The following ARHGAP32 variants were observed in gnomAD, a reference collection of about 807,000 sequenced individuals.
ARHGAP32 encodes rho GTPase-activating protein 32.
A neutral mutation model predicts 186.5 loss-of-function variants in ARHGAP32; 51 were observed. The observed-to-expected ratio is 0.27, with a 90% CI of 0.22 to 0.35. The LOEUF is 0.35. Among genes scored for constraint, ARHGAP32 ranks in the 10% least tolerant of loss-of-function variants. ARHGAP32 has a pLI of 1.00. For missense variants in ARHGAP32, 2,186 were observed against 2,623.5 expected (o/e 0.83, Z 3.64); for synonymous variants, 950 against 964.3 (o/e 0.99, Z 0.27).
At chr11:129,241,867 A>G (rs1945022135) in intron 1 of ARHGAP32, among the ~76,000 whole-genome samples, 1 of 152,208 alleles carries the variant, frequency 6.6e-6, no homozygotes, top group African/African-American at 2.4e-5. Context: ...GTTCAAATAA[A>G]TTTAGACTGT....
At chr11:129,222,882 G>A (rs1222940437) in intron 1 of ARHGAP32, among the ~76,000 whole-genome samples, 1 of 152,124 alleles carries the variant, frequency 6.6e-6, no homozygotes, top group East Asian at 1.9e-4. Flanking sequence ...TATTCTGGGG[G>A]TAGAAAAAGG....
intron 2 of ARHGAP32, among the ~76,000 whole-genome samples, chr11:129,155,566 T>C (rs1943382973): frequency 6.6e-6 from 1 of 152,104 alleles, no homozygotes; most frequent in South Asian, 2.1e-4. Flanking sequence ...CACACAGAAT[T>C]TCTTCATAAA....
Position 128,981,495 on chromosome 11 carries a change from A to G in ARHGAP32, c.1701T>C (p.Ser567=). 2 of 1,614,116 alleles carry G rather than the reference A, an allele frequency of 1.2e-6. No individual in the cohort carries two copies. Among genetic ancestry groups the G allele is most frequent in the South Asian group, 2.2e-5 (2 of 91,082 alleles). ...TAAFMEVRIQ[S]VVVEFILNHV... The stretch of plus-strand genomic sequence containing the variant: ...GATTCAGGATGAACTCAACAACCAC[A>G]GACTGAATCCTCACTTCCATGAAAG... The change falls in exon 17 of 23, where the codon TCT becomes TCC. Residue 567 remains serine, a synonymous_variant. Coordinates refer to ENST00000682385, the MANE Select transcript of ARHGAP32 (RefSeq NM_001378024.1).
chr11:129,138,359 A>G (rs926461787), intron 2 of ARHGAP32, among the ~76,000 whole-genome samples: 4 of 151,862 alleles, frequency 2.6e-5, no homozygotes, highest in African/African-American at 4.8e-5. Flanking sequence ...AACAAGGGAA[A>G]TATTTGTATC....
At chr11:129,166,980 CTGTA>C (rs1414653784) in intron 1 of ARHGAP32, among the ~76,000 whole-genome samples, 1 of 152,030 alleles carries the variant, frequency 6.6e-6, no homozygotes, top group East Asian at 1.9e-4. Context: ...TTATGGAATA[CTGTA>C]TGTAAGTCAA....
intron 2 of ARHGAP32, among the ~76,000 whole-genome samples, chr11:129,150,756 T>C (rs558669060): frequency 3.3e-5 from 5 of 151,916 alleles, no homozygotes; most frequent in Non-Finnish European, 7.4e-5. Context: ...GACACCAAAA[T>C]AGAACCTCCT....
chr11:129,279,204 T>G (rs1411699833), exon 1 of ARHGAP32: 2 of 140,202 alleles, frequency 1.4e-5, no homozygotes, highest in East Asian at 2.3e-4. Flanking sequence ...GGCCGCTCCG[T>G]GTCTGCCCTC....
At chr11:129,064,149 ACTACCATTTACTGGGT>A in intron 8 of ARHGAP32, 125 bp from the exon 9 acceptor site, 9 of 836,110 alleles carry the variant, frequency 1.1e-5, no homozygotes, top group Non-Finnish European at 1.6e-5. Flanking sequence ...AAAAAAAAAA[ACTACCATTTACTGGGT>A]AGTAAAAATA....
chr11:129,184,431 A>G (rs966889479), intron 1 of ARHGAP32, among the ~76,000 whole-genome samples: 9 of 152,158 alleles, frequency 5.9e-5, no homozygotes, highest in African/African-American at 2.2e-4. Context: ...TTATAAAAAT[A>G]CCTTGTGTGT....
chr11:129,038,888 GAAA>G (rs56810685), intron 11 of ARHGAP32, among the ~76,000 whole-genome samples: 28 of 92,164 alleles, frequency 3.0e-4, no homozygotes, highest in East Asian at 6.1e-4. Context: ...ACCCTGTCTC[GAAA>G]AAAAAAAAAA....
chr11:129,245,881 T>C (rs1945089519), intron 1 of ARHGAP32, among the ~76,000 whole-genome samples: 1 of 152,052 alleles, frequency 6.6e-6, no homozygotes, highest in Non-Finnish European at 1.5e-5. Flanking sequence ...AACAATATCT[T>C]AAGAGCTACT....
intron 1 of ARHGAP32, among the ~76,000 whole-genome samples, chr11:129,260,603 A>G (rs983011254): frequency 2.6e-5 from 4 of 152,158 alleles, no homozygotes; most frequent in Non-Finnish European, 5.9e-5. Flanking sequence ...AAAATATAAT[A>G]TTGTCTTTAT....
chr11:129,256,418 C>A (rs897740030), intron 1 of ARHGAP32, among the ~76,000 whole-genome samples: 2 of 152,146 alleles, frequency 1.3e-5, no homozygotes, highest in Non-Finnish European at 2.9e-5. Context: ...GCTATAACTA[C>A]ATGGACATTC....
intron 1 of ARHGAP32, among the ~76,000 whole-genome samples, chr11:129,269,131 A>G (rs7342215): frequency 0.85 from 128,984 of 151,974 alleles, 54,907 homozygotes; most frequent in African/African-American, 0.9. Flanking sequence ...AATTAGCCAG[A>G]CGTGGTGGTG....
intron 6 of ARHGAP32, among the ~76,000 whole-genome samples, chr11:129,083,057 A>G (rs1419723670): frequency 6.6e-6 from 1 of 152,224 alleles, no homozygotes; most frequent in African/African-American, 2.4e-5. Context: ...ATACCTCCTT[A>G]CTTCTGCAAG....
rs375026624 is a variant in ARHGAP32, at chr11:129,075,964, C to T, written c.532-9096G>A. The stretch of plus-strand genomic sequence containing the variant: ...GGTACAAAATACAGATCACAAAGAC[C>T]TTGCTGATAAAATAGCAGGCGGTAA... On this transcript the variant is annotated intron_variant, in intron 6 of 22. Transcript: ENST00000682385. 3.9e-5 allele frequency among the ~76,000 whole-genome samples: 6 copies of T among 152,140 alleles called. 1 individual carries two copies. Among genetic ancestry groups the T allele is most frequent in the Admixed American group, 3.3e-4 (5 of 15,268 alleles).
rs150105037 is a variant in ARHGAP32 at position 129,240,808 on chromosome 11, A to C, written c.-5+38338T>G. Among the ~76,000 whole-genome samples the C allele has an allele frequency of 1.4e-3, 208 of 152,290 alleles. 1 individual carries two copies. Among genetic ancestry groups the C allele is most frequent in the Non-Finnish European group, 2.5e-3 (172 of 68,012 alleles). ...CACTGCATAAAGCTTTTCTATCTTT[A>C]ATATGGTTTGAAAAAAATTTTGAGT... On this transcript the variant is annotated intron_variant, in intron 1 of 6. Coordinates refer to the ARHGAP32 transcript ENST00000525234.
intron 16 of ARHGAP32, 74 bp from the exon 17 acceptor site, chr11:128,981,635 A>C (rs1333474568): frequency 3.1e-5 from 45 of 1,468,228 alleles, no homozygotes; most frequent in Non-Finnish European, 4.0e-5. Flanking sequence ...TAAACGTGTA[A>C]ATCTCAGACA....
chr11:129,193,717 T>A (rs180754590), upstream of ARHGAP32, among the ~76,000 whole-genome samples: 39 of 43,786 alleles, frequency 8.9e-4, 1 homozygote, highest in East Asian at 2.9e-3. Context: ...ATATTATATA[T>A]TATATATTAT....
Sources: gnomAD v4.1 joint callset for allele counts (sites outside exome capture counted in the v4.1 genomes callset) on GRCh38, gnomAD v4.1.1 for gene constraint, MANE v1.5 for transcripts, NCBI Gene and HGNC (gene_info 2026-07-23, HGNC 2026-07-21) for gene names.